GLYATL3: variants seen among roughly 807,000 people sequenced by gnomAD.
The protein encoded by GLYATL3 is glycine-N-acyltransferase like 3.
A neutral mutation model predicts 28.5 loss-of-function variants in GLYATL3; 31 were observed. The observed-to-expected ratio is 1.09, with a 90% CI of 0.82 to 1.47. The LOEUF (loss-of-function observed/expected upper bound fraction) is 1.47, where lower values mean the gene tolerates loss of function less well. Ranked by LOEUF, GLYATL3 falls within the 40% of genes most tolerant of loss-of-function variation. GLYATL3 has a pLI of 0.00. For missense variants in GLYATL3, 369 were observed against 351.5 expected, an observed-to-expected ratio of 1.05 and a Z score of -0.40; for synonymous variants, 141 against 140.2, an observed-to-expected ratio of 1.01 and a Z score of -0.04.
intron 5 of GLYATL3, among the ~76,000 whole-genome samples, chr6:49,523,441 G>C (rs1267086391): frequency 6.6e-6 from 1 of 152,192 alleles, no homozygotes; most frequent in Non-Finnish European, 1.5e-5. Flanking sequence ...AGCACAGACT[G>C]ATTTCCTAGA....
Position 49,527,107 on chromosome 6 carries a change from G to T in GLYATL3, c.*193G>T. The T allele has an allele frequency of 3.7e-6, 2 of 545,222 alleles. No homozygotes were observed. Among genetic ancestry groups the T allele is most frequent in the Non-Finnish European group, 6.5e-6 (2 of 309,652 alleles). The allele number at this position is 545,222 out of a possible 1,614,324, so 33.8% of individuals were successfully genotyped here. On this transcript the variant is annotated 3_prime_UTR_variant, in exon 6 of 6. Coordinates refer to ENST00000371197, the MANE Select transcript of GLYATL3 (RefSeq NM_001010904.2). ...CAGGTTTCTCCAGTAAATAGCTGTG[G>T]GGGTGAAGAGTAGCTGTGGCTGAAG...
chr6:49,526,836 C>G lies in GLYATL3; in HGVS notation c.789C>G (p.Leu263=). Reference sequence around the variant, plus strand: ...CGTCTATAAGCCTCCTGAAGAGTCTCCATGCTGAGTTCTTGCCTTGTCGCT... The same window carrying G: ...CGTCTATAAGCCTCCTGAAGAGTCTGCATGCTGAGTTCTTGCCTTGTCGCT... ...NTASISLLKS[L]HAEFLPCRFH... The change falls in exon 6 of 6, where the codon CTC becomes CTG. Residue 263 remains leucine, a synonymous_variant. Coordinates refer to ENST00000371197, the MANE Select transcript of GLYATL3 (RefSeq NM_001010904.2). The G allele has an allele frequency of 6.4e-7, 1 of 1,552,148 alleles. No homozygotes were observed. The highest frequency in any genetic ancestry group is 8.7e-7 in the Non-Finnish European group (1 of 1,147,044).
intron 4 of GLYATL3, among the ~76,000 whole-genome samples, chr6:49,518,858 G>A (rs201265618): frequency 2.0e-5 from 3 of 151,888 alleles, no homozygotes; most frequent in Admixed American, 6.6e-5. Flanking sequence ...GGAGAATGGC[G>A]TGAACCCAGG....
intron 1 of GLYATL3, among the ~76,000 whole-genome samples, chr6:49,510,892 C>T (rs77199872): frequency 1.3e-3 from 199 of 152,334 alleles, no homozygotes; most frequent in African/African-American, 4.7e-3. Context: ...TTCAGGCTCA[C>T]ATAAACCTCA....
intron 2 of GLYATL3, among the ~76,000 whole-genome samples, chr6:49,514,280 A>C (rs548424202): frequency 6.6e-6 from 1 of 152,336 alleles, no homozygotes; most frequent in African/African-American, 2.4e-5. Context: ...ATTGGATCAC[A>C]CAGTAAGTAT....
At chr6:49,521,885 AC>A (rs892144419) in intron 5 of GLYATL3, 114 bp downstream of exon 5, 4 of 875,592 alleles carry the variant, frequency 4.6e-6, no homozygotes, top group African/African-American at 1.7e-5. Context: ...CTGGATTTCA[AC>A]CATTGAGCAC....
intron 4 of GLYATL3, among the ~76,000 whole-genome samples, chr6:49,519,309 C>A (rs951027007): frequency 6.6e-6 from 1 of 152,158 alleles, no homozygotes; most frequent in Admixed American, 6.5e-5. Context: ...TTGACCCAAT[C>A]ATTCTTTCTG....
intron 1 of GLYATL3, among the ~76,000 whole-genome samples, chr6:49,503,978 C>T (rs1028715237): frequency 2.0e-5 from 3 of 152,178 alleles, no homozygotes; most frequent in African/African-American, 7.2e-5. Flanking sequence ...CATCCAAATA[C>T]TATCATTAAC....
intron 1 of GLYATL3, among the ~76,000 whole-genome samples, chr6:49,510,041 TA>T (rs1561976924): frequency 1.4e-5 from 2 of 147,972 alleles, no homozygotes; most frequent in African/African-American, 2.5e-5. Context: ...TTTATTTATT[TA>T]TTTATTTTTT....
intron 1 of GLYATL3, among the ~76,000 whole-genome samples, chr6:49,508,296 A>G (rs1256400294): frequency 6.6e-6 from 1 of 152,184 alleles, no homozygotes; most frequent in Non-Finnish European, 1.5e-5. Flanking sequence ...ACTCCCTCTC[A>G]AACAACAATA....
In GLYATL3 at chr6:49,522,170, C is replaced by T. The variant is rs183887037; in HGVS notation, c.440+399C>T. Among the ~76,000 whole-genome samples, 56 of 152,128 alleles carry T rather than the reference C, an allele frequency of 3.7e-4. No homozygotes were observed. The East Asian group carries it at 0.011, about 29-fold the overall frequency. ...GGGGGTATATAGCTGACTTATGTTG[C>T]GCTCTTATGTGTCAGGGACTACATA... On this transcript the variant is annotated intron_variant, in intron 5 of 5. Transcript: ENST00000371197.
At chr6:49,515,885 T>TTTTC (rs534404004) in intron 3 of GLYATL3, 125 bp downstream of exon 3, 3 of 632,896 alleles carry the variant, frequency 4.7e-6, no homozygotes, top group Non-Finnish European at 8.6e-6. Context: ...CATTCATTTC[T>TTTTC]TTTCTTTCTT....
At chr6:49,524,521 C>A (rs77700715) in intron 5 of GLYATL3, among the ~76,000 whole-genome samples, 1,618 of 152,222 alleles carry the variant, frequency 0.011, 27 homozygotes, top group African/African-American at 0.037. Context: ...TGCAGCAATT[C>A]TTTTTCTTTA....
At chr6:49,510,028 TC>T (rs67091452) in intron 1 of GLYATL3, among the ~76,000 whole-genome samples, 11,389 of 146,762 alleles carry the variant, frequency 0.078, 598 homozygotes, top group Non-Finnish European at 0.1. Context: ...TTCCTTTATT[TC>T]ATTTATTTAT....
chr6:49,504,212 AT>A (rs58995775), intron 1 of GLYATL3, among the ~76,000 whole-genome samples: 148,104 of 148,198 alleles, frequency 1, 74,005 homozygotes, highest in East Asian at 1. Flanking sequence ...TAGCATGGTT[AT>A]TTTTTTTCTT....
chr6:49,500,216 GT>G (rs1286469144), intron 1 of GLYATL3, among the ~76,000 whole-genome samples, 174 bp downstream of exon 1: 2 of 151,960 alleles, frequency 1.3e-5, no homozygotes, highest in Non-Finnish European at 2.9e-5. Context: ...TTTGTTTGGG[GT>G]TTTTTTAACT....
At chr6:49,519,061 C>A (rs1769269336) in intron 4 of GLYATL3, among the ~76,000 whole-genome samples, 2 of 152,274 alleles carry the variant, frequency 1.3e-5, no homozygotes, top group South Asian at 2.1e-4. Context: ...AGACATGATT[C>A]TATCACTTCC....
intron 2 of GLYATL3, among the ~76,000 whole-genome samples, chr6:49,513,342 T>C (rs565256821): frequency 6.6e-6 from 1 of 152,250 alleles, no homozygotes; most frequent in South Asian, 2.1e-4. Flanking sequence ...CCCCCTCAAC[T>C]CAACATTCAC....
At chr6:49,519,679 G>A (rs1191575342) in intron 4 of GLYATL3, among the ~76,000 whole-genome samples, 1 of 152,156 alleles carries the variant, frequency 6.6e-6, no homozygotes, top group Non-Finnish European at 1.5e-5. Flanking sequence ...GCATTAGGTG[G>A]TGGAGCTGCT....
Sources: allele counts gnomAD v4.1 joint callset (sites outside exome capture counted in the v4.1 genomes callset), GRCh38; gene constraint gnomAD v4.1.1; transcripts MANE v1.5; gene names NCBI Gene and HGNC (gene_info 2026-07-23, HGNC 2026-07-21).